EFNA5: variants seen among roughly 807,000 people sequenced by gnomAD.
The protein encoded by EFNA5 is ephrin A5.
A neutral mutation model predicts 22.9 loss-of-function variants in EFNA5; 5 were observed. That is an observed-to-expected ratio of 0.22 (90% CI 0.11 to 0.46). EFNA5 has a LOEUF of 0.46. Ranked by LOEUF, EFNA5 falls within the 20% of genes least tolerant of loss-of-function variation. The pLI is 0.99. For synonymous variants in EFNA5, 113 were observed against 112.2 expected, an observed-to-expected ratio of 1.01 and a Z score of -0.04; for missense variants, 237 against 293.3, an observed-to-expected ratio of 0.81 and a Z score of 1.40.
intron 1 of EFNA5, among the ~76,000 whole-genome samples, chr5:107,533,142 T>C (rs1317263429): frequency 6.6e-6 from 1 of 152,160 alleles, no homozygotes; most frequent in Non-Finnish European, 1.5e-5. Context: ...ACAGCTGAGA[T>C]GACAGGGATG....
rs1385630940 is a variant in EFNA5 at position 107,427,312 on chromosome 5, G to A, written c.323C>T (p.Pro108Leu). The A allele has an allele frequency of 6.2e-7, 1 of 1,614,132 alleles. No homozygotes were observed. Among genetic ancestry groups the A allele is most frequent in the African/African-American group, 1.3e-5 (1 of 75,032 alleles). ...TTCAGAGAACTTCAGCGGTCCATTT[G>A]GAGAGTGAGGCCGGTTACATTCCCA... ...KRWECNRPHS[P>L]NGPLKFSEKF... Residue 108 changes from proline (P) to leucine (L), a missense_variant, in exon 2 of 5, where the codon CCA becomes CTA. By Grantham distance (98) the Pro-to-Leu change is moderately conservative. This residue lies in a region of EFNA5 where 120 missense variants were observed against 140.5 expected (regional missense o/e 0.85). Transcript: ENST00000333274.
chr5:107,648,057 T>TAA (rs1301111531), intron 1 of EFNA5, among the ~76,000 whole-genome samples: 3 of 152,194 alleles, frequency 2.0e-5, no homozygotes, highest in African/African-American at 7.2e-5. Context: ...GTAACTTACT[T>TAA]AAAGTTTCAC....
chr5:107,427,469 C>T lies in EFNA5; in HGVS notation c.166G>A (p.Asp56Asn). Residue 56 changes from aspartate (D) to asparagine (N), a missense_variant, in exon 2 of 5, where the codon GAC becomes AAC. Asp to Asn is a conservative substitution (Grantham distance 23, BLOSUM62 1). Coordinates refer to ENST00000333274, the MANE Select transcript of EFNA5 (RefSeq NM_001962.3). ...GDYHIDVCIN[D>N]YLDVFCPHYE... ...TGAGGGCAGAAAACATCCAGGTAGT[C>T]ATTGATACAGACATCAATATGGTAG... 1 of 1,613,572 alleles carries T rather than the reference C, an allele frequency of 6.2e-7. No homozygotes were observed.
At chr5:107,522,070 T>C (rs62355608) in intron 1 of EFNA5, among the ~76,000 whole-genome samples, 9,086 of 152,276 alleles carry the variant, frequency 0.06, 318 homozygotes, top group Middle Eastern at 0.075. Context: ...CAACGGTCCA[T>C]AGTATTTTCA....
At chr5:107,582,096 A>G (rs535150153) in intron 1 of EFNA5, among the ~76,000 whole-genome samples, 1 of 152,314 alleles carries the variant, frequency 6.6e-6, no homozygotes, top group South Asian at 2.1e-4. Context: ...GTGAAAGATG[A>G]GTGTAACAAA....
intron 1 of EFNA5, among the ~76,000 whole-genome samples, chr5:107,430,774 C>CTTTTTTT (rs869266799): frequency 3.9e-4 from 8 of 20,306 alleles, no homozygotes; most frequent in African/African-American, 5.2e-4. Context: ...TTCTTTCTTT[C>CTTTTTTT]TTTTTTTTTT....
At chr5:107,654,859 C>G (rs1260326963) in intron 1 of EFNA5, among the ~76,000 whole-genome samples, 1 of 152,056 alleles carries the variant, frequency 6.6e-6, no homozygotes, top group Admixed American at 6.6e-5. Flanking sequence ...ATCACATGCA[C>G]TGGAATCTGT....
intron 2 of EFNA5, among the ~76,000 whole-genome samples, chr5:107,409,713 G>A (rs1748311856): frequency 6.6e-6 from 1 of 152,152 alleles, no homozygotes; most frequent in African/African-American, 2.4e-5. Context: ...TAGTTAAATT[G>A]TTCATTAAAG....
At chr5:107,535,299 A>G (rs1747905083) in intron 1 of EFNA5, among the ~76,000 whole-genome samples, 1 of 152,216 alleles carries the variant, frequency 6.6e-6, no homozygotes, top group Non-Finnish European at 1.5e-5. Flanking sequence ...ACCCCCACCT[A>G]ACAAATAATA....
intron 1 of EFNA5, among the ~76,000 whole-genome samples, chr5:107,441,261 G>A (rs1007215181): frequency 2.0e-5 from 3 of 152,104 alleles, no homozygotes; most frequent in Non-Finnish European, 2.9e-5. Context: ...TTCTATAAAC[G>A]TGATTAGGGA....
At chr5:107,487,667 G>A (rs910436146) in intron 1 of EFNA5, among the ~76,000 whole-genome samples, 23 of 152,274 alleles carry the variant, frequency 1.5e-4, no homozygotes, top group African/African-American at 5.3e-4. Context: ...ATAACTTCAT[G>A]AGCAGCAAAA....
At chr5:107,549,529 T>G (rs1748239722) in intron 1 of EFNA5, among the ~76,000 whole-genome samples, 1 of 152,208 alleles carries the variant, frequency 6.6e-6, no homozygotes, top group Non-Finnish European at 1.5e-5. Flanking sequence ...AAGAGTAAAC[T>G]GGGGTTCTTT....
At chr5:107,424,498 G>C (rs148116586) in intron 2 of EFNA5, among the ~76,000 whole-genome samples, 317 of 151,674 alleles carry the variant, frequency 2.1e-3, no homozygotes, top group African/African-American at 7.1e-3. Flanking sequence ...TTACAGATGT[G>C]AGCCACTGTG....
intron 1 of EFNA5, among the ~76,000 whole-genome samples, chr5:107,588,819 C>A (rs2112500548): frequency 6.6e-6 from 1 of 152,220 alleles, no homozygotes; most frequent in African/African-American, 2.4e-5. Flanking sequence ...GAGCATTAAC[C>A]ACAAGGAGAG....
chr5:107,664,827 G>A (rs1057274860), intron 1 of EFNA5, among the ~76,000 whole-genome samples: 1 of 152,084 alleles, frequency 6.6e-6, no homozygotes, highest in African/African-American at 2.4e-5. Context: ...TTAACAGTTT[G>A]TATACTGCTT....
intron 4 of EFNA5, among the ~76,000 whole-genome samples, chr5:107,385,003 C>A (rs749391134): frequency 2.8e-4 from 43 of 151,926 alleles, no homozygotes; most frequent in Admixed American, 3.3e-4. Flanking sequence ...TACTCACCAG[C>A]AAGCCCTTAA....
At chr5:107,423,413 T>TA (rs11484483) in intron 2 of EFNA5, among the ~76,000 whole-genome samples, 68,274 of 145,246 alleles carry the variant, frequency 0.47, 16,196 homozygotes, top group Non-Finnish European at 0.5. Context: ...AAAGGAGTAT[T>TA]AAAAAAAAAA....
intron 2 of EFNA5, among the ~76,000 whole-genome samples, chr5:107,412,637 C>A (rs1248163062): frequency 6.6e-6 from 1 of 152,124 alleles, no homozygotes; most frequent in Non-Finnish European, 1.5e-5. Context: ...AACAGACAGG[C>A]AATTTTCTAG....
chr5:107,468,977 T>C (rs966163234), intron 1 of EFNA5, among the ~76,000 whole-genome samples: 2 of 152,202 alleles, frequency 1.3e-5, no homozygotes, highest in Non-Finnish European at 2.9e-5. Context: ...ATATAGATTC[T>C]AGCACACCTG....
Sources: allele counts gnomAD v4.1 joint callset (sites outside exome capture counted in the v4.1 genomes callset), GRCh38; gene constraint gnomAD v4.1.1; regional missense constraint gnomAD v4.1.1; transcripts MANE v1.5; gene names NCBI Gene and HGNC (gene_info 2026-07-23, HGNC 2026-07-21).